The following HECW2 variants were observed in gnomAD, a reference collection of about 807,000 sequenced individuals.
The protein encoded by HECW2 is E3 ubiquitin-protein ligase HECW2.
In HECW2, 61 loss-of-function variants were observed where a neutral mutation model predicts 175.2. The observed-to-expected ratio is 0.35, with a 90% CI of 0.28 to 0.43. The LOEUF is 0.43. HECW2 is among the 20% of genes least tolerant of loss of function. HECW2 has a pLI of 1.00. For missense variants in HECW2, 1,524 were observed against 2,000.5 expected (o/e 0.76, Z 4.54); for synonymous variants, 671 against 731.0 (o/e 0.92, Z 1.32).
At chr2:196,583,116 T>C (rs530338206) in intron 1 of HECW2, among the ~76,000 whole-genome samples, 1 of 152,320 alleles carries the variant, frequency 6.6e-6, no homozygotes, top group East Asian at 1.9e-4. Flanking sequence ...CGTATTGCCA[T>C]GCTCCTCTAC....
chr2:196,215,135 A>G lies in HECW2; in HGVS notation c.4607+730T>C, dbSNP rs116505989. Among the ~76,000 whole-genome samples, 1,141 of 152,294 alleles carry G rather than the reference A, an allele frequency of 7.5e-3. 24 individuals carry two copies. The highest frequency in any genetic ancestry group is 0.026 in the African/African-American group (1,089 of 41,554). Reference sequence around the variant, plus strand: ...TTTCTTCCATTCCTCTTTTGTTCATATGCTCCTTTTCTGTTGCTCCAGCTC... The same window carrying G: ...TTTCTTCCATTCCTCTTTTGTTCATGTGCTCCTTTTCTGTTGCTCCAGCTC... On this transcript the variant is annotated intron_variant, in intron 28 of 28. Transcript: ENST00000644978.
chr2:196,450,346 T>C (rs749486235), intron 1 of HECW2, among the ~76,000 whole-genome samples: 5 of 152,000 alleles, frequency 3.3e-5, no homozygotes, highest in Non-Finnish European at 5.9e-5. Flanking sequence ...GGTTACAGCA[T>C]TTTTTCTGGA....
chr2:196,290,391 AG>A (rs1690562812), intron 14 of HECW2: 1 of 152,266 alleles, frequency 6.6e-6, no homozygotes, highest in African/African-American at 2.4e-5. Flanking sequence ...TTCAAGGTTC[AG>A]GGGTTAGTAA....
chr2:196,392,403 T>C (rs1226701731), intron 2 of HECW2, among the ~76,000 whole-genome samples: 1 of 152,200 alleles, frequency 6.6e-6, no homozygotes, highest in African/African-American at 2.4e-5. Flanking sequence ...AGGCTCCTTC[T>C]AGTTCTTTGC....
chr2:196,552,820 CT>C (rs1022357971), intron 1 of HECW2, among the ~76,000 whole-genome samples: 6 of 152,200 alleles, frequency 3.9e-5, no homozygotes, highest in Non-Finnish European at 5.9e-5. Flanking sequence ...TGAATCTTTC[CT>C]CTTCAGTGAA....
intron 26 of HECW2, chr2:196,217,737 A>G (rs999562938): frequency 1.3e-5 from 2 of 152,224 alleles, no homozygotes; most frequent in Non-Finnish European, 2.9e-5. Context: ...CTTTAGTAGA[A>G]TTTAAGAAAA....
At chr2:196,395,350 A>C (rs1264811611) in intron 2 of HECW2, among the ~76,000 whole-genome samples, 1 of 147,182 alleles carries the variant, frequency 6.8e-6, no homozygotes, top group Non-Finnish European at 1.5e-5. Flanking sequence ...GGAGAAAAAA[A>C]TAGATAAATT....
chr2:196,326,950 T>A (rs1321215445), intron 5 of HECW2, among the ~76,000 whole-genome samples: 1 of 152,202 alleles, frequency 6.6e-6, no homozygotes, highest in Non-Finnish European at 1.5e-5. Flanking sequence ...CTACTTTCAC[T>A]TGGCTTTCTT....
intron 14 of HECW2, among the ~76,000 whole-genome samples, chr2:196,284,187 T>C (rs1310057299): frequency 6.6e-6 from 1 of 152,176 alleles, no homozygotes; most frequent in Non-Finnish European, 1.5e-5. Context: ...GTTTCAACAC[T>C]GCAAAGTTTC....
chr2:196,218,794 T>TA (rs1687566603), intron 26 of HECW2, among the ~76,000 whole-genome samples: 1 of 152,152 alleles, frequency 6.6e-6, no homozygotes, highest in African/African-American at 2.4e-5. Context: ...GTGCTCTCAG[T>TA]AAAAATCGAT....
chr2:196,566,091 T>C (rs1395096056), intron 1 of HECW2, among the ~76,000 whole-genome samples: 1 of 151,910 alleles, frequency 6.6e-6, no homozygotes, highest in African/African-American at 2.4e-5. Flanking sequence ...GCCAAATAAA[T>C]GAATTGCTTT....
At chr2:196,220,017 C>A (rs527782139) in intron 26 of HECW2, 22 bp downstream of exon 26, 1 of 1,411,308 alleles carries the variant, frequency 7.1e-7, no homozygotes, top group Admixed American at 1.7e-5. Flanking sequence ...TAAAATCTAG[C>A]CATCTATAAA....
chr2:196,276,068 T>C (rs1689944220), intron 15 of HECW2, among the ~76,000 whole-genome samples: 1 of 152,224 alleles, frequency 6.6e-6, no homozygotes, highest in African/African-American at 2.4e-5. Flanking sequence ...AACACTCCAA[T>C]ATATACTTTC....
At chr2:196,394,164 G>A (rs934493999) in intron 2 of HECW2, among the ~76,000 whole-genome samples, 4 of 151,648 alleles carry the variant, frequency 2.6e-5, no homozygotes, top group Non-Finnish European at 4.4e-5. Context: ...AGGGGGGAGA[G>A]GGGGGAGGGA....
chr2:196,329,490 C>T (rs368218790), intron 5 of HECW2, 85 bp downstream of exon 5: 76 of 1,101,164 alleles, frequency 6.9e-5, no homozygotes, highest in African/African-American at 6.2e-4. Flanking sequence ...ATATCATATA[C>T]GAAAGTCTGC....
intron 19 of HECW2, among the ~76,000 whole-genome samples, chr2:196,248,748 A>G (rs747627064): frequency 6.6e-6 from 1 of 152,126 alleles, no homozygotes; most frequent in South Asian, 2.1e-4. Flanking sequence ...GTAAAATGCT[A>G]AGACTTTGTG....
At position 196,308,181 on chromosome 2, in the gene HECW2, T is replaced by C. The variant is rs1036198251; in HGVS notation, c.2435-96A>G. 4 of 879,814 alleles carry C rather than the reference T, an allele frequency of 4.5e-6. No homozygotes were observed. In the African/African-American group the frequency reaches 5.0e-5, roughly 11 times the overall value. 54.5% of individuals were successfully genotyped at this position (879,814 alleles called of 1,614,324 possible). On this transcript the variant is annotated intron_variant, in intron 10 of 28. Transcript: ENST00000644978. ...TGGCATGTGTTTTCTTTCTCTGACA[T>C]GCTATAATCTGAGACTAATAACATA... is the stretch of plus-strand genomic sequence containing the variant.
At chr2:196,501,549 C>T (rs1486443576) in intron 1 of HECW2, among the ~76,000 whole-genome samples, 31 of 152,062 alleles carry the variant, frequency 2.0e-4, no homozygotes, top group Non-Finnish European at 4.6e-4. Flanking sequence ...CCATGCCTGG[C>T]CAAGAATTTT....
intron 1 of HECW2, among the ~76,000 whole-genome samples, chr2:196,444,724 G>A (rs142124170): frequency 6.6e-6 from 1 of 152,228 alleles, no homozygotes; most frequent in South Asian, 2.1e-4. Context: ...GGTGAACAGG[G>A]AAGGCCTCTC....
Sources: allele counts gnomAD v4.1 joint callset (sites outside exome capture counted in the v4.1 genomes callset), GRCh38; gene constraint gnomAD v4.1.1; transcripts MANE v1.5; gene names NCBI Gene and HGNC (gene_info 2026-07-23, HGNC 2026-07-21).